Variants in URI1 observed in about 807,000 individuals in gnomAD.
URI1 encodes URI1 prefoldin like chaperone, also known as unconventional prefoldin RPB5 interactor 1.
In URI1, 39 loss-of-function variants were observed where a neutral mutation model predicts 60.2. The observed-to-expected ratio is 0.65, with a 90% CI of 0.50 to 0.85. The LOEUF (loss-of-function observed/expected upper bound fraction) is 0.85, where lower values mean the gene tolerates loss of function less well. Among genes scored for constraint, URI1 ranks in the 40% least tolerant of loss-of-function variants. The pLI, the probability that URI1 is intolerant of heterozygous loss-of-function variation, is 0.00. For synonymous variants in URI1, 251 were observed against 236.8 expected, an observed-to-expected ratio of 1.06 and a Z score of -0.55; for missense variants, 691 against 665.9, an observed-to-expected ratio of 1.04 and a Z score of -0.42.
At chr19:30,001,435 T>C (rs1460486722) in intron 4 of URI1, among the ~76,000 whole-genome samples, 1 of 151,924 alleles carries the variant, frequency 6.6e-6, no homozygotes, top group East Asian at 1.9e-4. Context: ...GTATGTTCAC[T>C]TGGAATTAAT....
At chr19:29,939,156 T>C (rs1244879623), upstream of URI1, among the ~76,000 whole-genome samples, 2 of 151,890 alleles carry the variant, frequency 1.3e-5, no homozygotes, top group East Asian at 1.9e-4. Context: ...TTTGTATTTT[T>C]AGTAGAGGTG....
intron 1 of URI1, among the ~76,000 whole-genome samples, chr19:29,950,406 T>C (rs2055165229): frequency 6.6e-6 from 1 of 152,210 alleles, no homozygotes. Context: ...GTCTCAATCT[T>C]TTTAGTCTGT....
chr19:29,926,334 C>T (rs1468045899), intron 1 of URI1, among the ~76,000 whole-genome samples: 1 of 151,472 alleles, frequency 6.6e-6, no homozygotes, highest in African/African-American at 2.4e-5. Context: ...GGCTGGAGTG[C>T]AGTGGTACAA....
chr19:29,961,675 G>GTTTTTTTTTTTTTTTTTTTTTT (rs200425572), intron 1 of URI1, among the ~76,000 whole-genome samples: 1 of 117,636 alleles, frequency 8.5e-6, no homozygotes, highest in African/African-American at 3.1e-5. Flanking sequence ...TTTTTTTTTT[G>GTTTTTTTTTTTTTTTTTTTTTT]TTTTTTTTTT....
chr19:30,005,759 G>C (rs1371085827), intron 6 of URI1, 51 bp downstream of exon 6: 3 of 1,537,512 alleles, frequency 2.0e-6, no homozygotes, highest in Non-Finnish European at 8.8e-7. Flanking sequence ...TTTGATTTTT[G>C]TTGATTTTCA....
chr19:29,974,287 T>C (rs568036100), intron 2 of URI1, among the ~76,000 whole-genome samples: 4 of 152,252 alleles, frequency 2.6e-5, no homozygotes, highest in African/African-American at 9.6e-5. Context: ...TTTGAAAATT[T>C]TAATTGTCAG....
In URI1 at chr19:30,015,557, T is replaced by A; in HGVS notation, c.*488T>A. 6.5e-7 allele frequency: 1 copy of A among 1,535,286 alleles called. No individual in the cohort carries two copies. The highest frequency in any genetic ancestry group is 8.7e-7 in the Non-Finnish European group (1 of 1,146,396). On this transcript the variant is annotated 3_prime_UTR_variant, in exon 11 of 11. Transcript: ENST00000392271. ...GTAGGTTTTGCGGCTAGTTGGCTATTCAAGAAACCTCGCCCCTCTGAATGT... is the reference window on the plus strand; with the variant it reads ...GTAGGTTTTGCGGCTAGTTGGCTATACAAGAAACCTCGCCCCTCTGAATGT...
chr19:29,987,042 C>T (rs747667243), intron 4 of URI1, among the ~76,000 whole-genome samples: 8 of 152,042 alleles, frequency 5.3e-5, no homozygotes, highest in Non-Finnish European at 8.8e-5. Context: ...AGCCTACATA[C>T]ACACACACAA....
At chr19:29,996,301 G>A (rs771500125) in intron 4 of URI1, among the ~76,000 whole-genome samples, 2 of 152,188 alleles carry the variant, frequency 1.3e-5, no homozygotes, top group East Asian at 3.9e-4. Context: ...TTTTTAGTGT[G>A]CAAGTCTTGC....
intron 1 of URI1, among the ~76,000 whole-genome samples, chr19:29,963,720 G>A (rs1251366450): frequency 1.3e-5 from 2 of 152,142 alleles, no homozygotes; most frequent in East Asian, 1.9e-4. Context: ...GAAAAGGCGC[G>A]TCCTTTCTTC....
intron 4 of URI1, among the ~76,000 whole-genome samples, 184 bp from the exon 5 acceptor site, chr19:30,005,177 T>G (rs2055924741): frequency 6.6e-6 from 1 of 152,012 alleles, no homozygotes; most frequent in Admixed American, 6.6e-5. Context: ...TAATGTGCTA[T>G]ATATATAGCA....
rs2055534292 is a variant in URI1 at position 29,977,194 on chromosome 19, C to A, written c.152+5967C>A. 3.3e-5 allele frequency among the ~76,000 whole-genome samples: 5 copies of A among 150,942 alleles called. No homozygotes were observed. In the South Asian group the frequency reaches 1.0e-3, roughly 31 times the overall value. On this transcript the variant is annotated intron_variant, in intron 2 of 10. Transcript: ENST00000392271. The stretch of plus-strand genomic sequence containing the variant: ...CTATCAGTCGGGATGGAGATACCTG[C>A]TTTATGCACACATTGTATATCTGTC...
chr19:30,012,044 TAATAA>T (rs770214635), intron 9 of URI1, among the ~76,000 whole-genome samples: 2 of 152,052 alleles, frequency 1.3e-5, no homozygotes, highest in Non-Finnish European at 2.9e-5. Flanking sequence ...ACTTAAAGTA[TAATAA>T]AATAAATAAA....
intron 1 of URI1, chr19:29,958,139 T>G (rs1323762627): frequency 6.6e-6 from 1 of 152,226 alleles, no homozygotes; most frequent in East Asian, 1.9e-4. Context: ...TCTGATAGTA[T>G]CTGTGTAGTT....
At chr19:29,977,329 T>C (rs759946748) in intron 2 of URI1, among the ~76,000 whole-genome samples, 8 of 152,076 alleles carry the variant, frequency 5.3e-5, no homozygotes, top group Non-Finnish European at 7.4e-5. Context: ...TGAAACTGTT[T>C]TCTTGAGTTG....
intron 1 of URI1, among the ~76,000 whole-genome samples, chr19:29,965,065 G>A (rs12973850): frequency 6.6e-6 from 1 of 151,964 alleles, no homozygotes; most frequent in Non-Finnish European, 1.5e-5. Context: ...AGTTTTTTGG[G>A]TCTCTGTGTT....
intron 2 of URI1, among the ~76,000 whole-genome samples, chr19:29,976,741 C>A (rs989020950): frequency 6.6e-6 from 1 of 152,132 alleles, no homozygotes; most frequent in African/African-American, 2.4e-5. Context: ...GCATTACTTA[C>A]AATCGTAAAT....
intron 4 of URI1, among the ~76,000 whole-genome samples, chr19:29,995,152 C>G (rs1456581827): frequency 5.9e-5 from 9 of 152,066 alleles, no homozygotes; most frequent in Non-Finnish European, 1.2e-4. Context: ...ATTCTCAACA[C>G]CAAAATACAA....
chr19:29,970,810 GGATGTTACATT>G (rs1264115788), intron 1 of URI1, among the ~76,000 whole-genome samples: 1 of 151,914 alleles, frequency 6.6e-6, no homozygotes, highest in Non-Finnish European at 1.5e-5. Context: ...GACGAAACGT[GGATGTTACATT>G]GGTTTCTTGT....
Sources: gnomAD v4.1 joint callset for allele counts (sites outside exome capture counted in the v4.1 genomes callset) on GRCh38, gnomAD v4.1.1 for gene constraint, MANE v1.5 for transcripts, NCBI Gene and HGNC (gene_info 2026-07-23, HGNC 2026-07-21) for gene names.